The following PHTF2 variants were observed in gnomAD, a reference collection of about 807,000 sequenced individuals.
PHTF2 encodes the protein putative homeodomain transcription factor 2, also known as protein PHTF2.
PHTF2 carries 60 observed loss-of-function variants against 101.2 expected under a neutral mutation model. The ratio of observed to expected loss-of-function variants is 0.59; its 90% CI spans 0.48 to 0.73. The LOEUF (loss-of-function observed/expected upper bound fraction) is 0.73. Ranked by LOEUF, PHTF2 falls within the 30% of genes least tolerant of loss-of-function variation. PHTF2 has a pLI of 0.00. For missense variants in PHTF2, 747 were observed against 908.7 expected, an observed-to-expected ratio of 0.82 and a Z score of 2.29; for synonymous variants, 311 against 307.3, an observed-to-expected ratio of 1.01 and a Z score of -0.13.
At chr7:77,805,234 T>TTA (rs1792879405) in intron 1 of PHTF2, among the ~76,000 whole-genome samples, 1 of 152,214 alleles carries the variant, frequency 6.6e-6, no homozygotes, top group Non-Finnish European at 1.5e-5. Flanking sequence ...CTTATTAATC[T>TTA]TTTTAATATC....
intron 10 of PHTF2, 83 bp from the exon 10 acceptor site, chr7:77,922,540 G>A: frequency 9.4e-7 from 1 of 1,065,506 alleles, no homozygotes; most frequent in Non-Finnish European, 1.3e-6. Context: ...ATATATGTAT[G>A]TGTAATTTCA....
intron 7 of PHTF2, among the ~76,000 whole-genome samples, chr7:77,903,700 A>T (rs934183979): frequency 1.3e-5 from 2 of 152,202 alleles, no homozygotes; most frequent in Admixed American, 1.3e-4. Flanking sequence ...GAAATGACTT[A>T]ACCTTCTTAA....
At chr7:77,806,003 C>T (rs997117870) in intron 1 of PHTF2, among the ~76,000 whole-genome samples, 2 of 152,112 alleles carry the variant, frequency 1.3e-5, no homozygotes, top group South Asian at 2.1e-4. Context: ...GTTGAAACCT[C>T]GTCTCTACTA....
exon 20 of PHTF2, chr7:77,955,058 A>G (rs537285969): frequency 5.5e-6 from 2 of 361,056 alleles, no homozygotes; most frequent in East Asian, 8.3e-5. Context: ...TTTTACATTT[A>G]TTTTAGTCTT....
intron 3 of PHTF2, among the ~76,000 whole-genome samples, chr7:77,893,299 C>G (rs2150799651): frequency 6.6e-6 from 1 of 152,172 alleles, no homozygotes; most frequent in East Asian, 1.9e-4. Context: ...TTGTTCTCCT[C>G]TCTGTTCAAG....
At chr7:77,892,692 C>T (rs568869157) in intron 3 of PHTF2, among the ~76,000 whole-genome samples, 1 of 152,306 alleles carries the variant, frequency 6.6e-6, no homozygotes, top group Non-Finnish European at 1.5e-5. Flanking sequence ...CTGGAGACAG[C>T]AGGAGCTAAT....
intron 1 of PHTF2, among the ~76,000 whole-genome samples, chr7:77,813,071 T>C (rs1386750866): frequency 2.0e-5 from 3 of 152,138 alleles, no homozygotes; most frequent in African/African-American, 7.2e-5. Context: ...AGATGCATGG[T>C]ATTTATTTAT....
At chr7:77,937,808 A>G (rs754527057) in exon 13 of PHTF2, 10 of 1,545,112 alleles carry the variant, frequency 6.5e-6, no homozygotes, top group Non-Finnish European at 7.9e-6. Context: ...ACATGTCTGT[A>G]CTTGAAATCA....
At chr7:77,924,845 G>A (rs12530794) in intron 11 of PHTF2, among the ~76,000 whole-genome samples, 23,345 of 151,956 alleles carry the variant, frequency 0.15, 2,469 homozygotes, top group African/African-American at 0.3. Context: ...ATGAGATGGG[G>A]ATTTTGTCAT....
At chr7:77,911,176 T>C (rs1174672346) in intron 9 of PHTF2, among the ~76,000 whole-genome samples, 1 of 149,448 alleles carries the variant, frequency 6.7e-6, no homozygotes, top group African/African-American at 2.5e-5. Context: ...ATTTGTGTAC[T>C]ATACAAAAAT....
chr7:77,946,506 C>T (rs1472269922), intron 16 of PHTF2, among the ~76,000 whole-genome samples: 5 of 151,992 alleles, frequency 3.3e-5, no homozygotes, highest in Non-Finnish European at 1.5e-5. Context: ...TATAGAATAT[C>T]CAAGCGACTT....
chr7:77,953,105 C>T (rs192844781), intron 18 of PHTF2, among the ~76,000 whole-genome samples: 1 of 152,292 alleles, frequency 6.6e-6, no homozygotes, highest in East Asian at 1.9e-4. Context: ...GTCATGTTCT[C>T]ATGTGTCTTT....
At chr7:77,950,720 A>C (rs1806464762) in intron 17 of PHTF2, among the ~76,000 whole-genome samples, 1 of 152,180 alleles carries the variant, frequency 6.6e-6, no homozygotes, top group Non-Finnish European at 1.5e-5. Context: ...ACTCGCTCTG[A>C]GGCTAATGGT....
At chr7:77,803,167 C>T (rs962943257) in intron 1 of PHTF2, among the ~76,000 whole-genome samples, 3 of 152,050 alleles carry the variant, frequency 2.0e-5, no homozygotes, top group African/African-American at 7.3e-5. Context: ...TGAACAGGAA[C>T]TGGGGCAGGA....
chr7:77,878,128 C>T lies in PHTF2; in HGVS notation c.148-15480C>T, dbSNP rs1485028319. Reference sequence around the variant, plus strand: ...TTTTTGCAGCAGAGAGTTGAAAAATCGCAGGGCCAGGCAAACAGAACAAGA... The same window carrying T: ...TTTTTGCAGCAGAGAGTTGAAAAATTGCAGGGCCAGGCAAACAGAACAAGA... On this transcript the variant is annotated intron_variant, in intron 3 of 19. Coordinates refer to ENST00000416283, the Ensembl canonical transcript of PHTF2. 3.9e-5 allele frequency among the ~76,000 whole-genome samples: 6 copies of T among 152,202 alleles called. 1 individual carries two copies. The highest frequency in any genetic ancestry group is 1.3e-4 in the Admixed American group (2 of 15,284).
At chr7:77,868,486 T>G (rs1332614663) in intron 3 of PHTF2, among the ~76,000 whole-genome samples, 1 of 152,010 alleles carries the variant, frequency 6.6e-6, no homozygotes, top group Admixed American at 6.6e-5. Flanking sequence ...AACTTTTTAT[T>G]ACAATCATGA....
intron 3 of PHTF2, among the ~76,000 whole-genome samples, chr7:77,891,982 G>A (rs1387858054): frequency 8.5e-5 from 13 of 152,200 alleles, no homozygotes; most frequent in African/African-American, 1.9e-4. Flanking sequence ...GCAAGATAAC[G>A]TATAAGAGAG....
chr7:77,948,343 AC>A (rs1231492490), intron 16 of PHTF2, among the ~76,000 whole-genome samples: 1 of 152,192 alleles, frequency 6.6e-6, no homozygotes, highest in African/African-American at 2.4e-5. Flanking sequence ...GGAAGGCTTT[AC>A]ATAATGGAAA....
intron 9 of PHTF2, among the ~76,000 whole-genome samples, chr7:77,915,973 G>A (rs575255913): frequency 2.1e-3 from 236 of 112,246 alleles, no homozygotes; most frequent in African/African-American, 6.9e-3. Flanking sequence ...AGGTAGATTT[G>A]TGTGTCTGTG....
Sources: allele counts gnomAD v4.1 joint callset (sites outside exome capture counted in the v4.1 genomes callset), GRCh38; gene constraint gnomAD v4.1.1; transcripts MANE v1.5; gene names NCBI Gene and HGNC (gene_info 2026-07-23, HGNC 2026-07-21).